Variants in GPCPD1 observed in about 807,000 individuals in gnomAD.
GPCPD1 encodes glycerophosphocholine phosphodiesterase GPCPD1.
A neutral mutation model predicts 89.2 loss-of-function variants in GPCPD1; 29 were observed. The ratio of observed to expected loss-of-function variants is 0.33; its 90% CI spans 0.24 to 0.44. GPCPD1 has a LOEUF of 0.44. Ranked by LOEUF, GPCPD1 falls within the 20% of genes least tolerant of loss-of-function variation. The pLI, the probability that GPCPD1 is intolerant of heterozygous loss-of-function variation, is 1.00. For missense variants in GPCPD1, 594 were observed against 808.9 expected, an observed-to-expected ratio of 0.73 and a Z score of 3.22; for synonymous variants, 258 against 266.3, an observed-to-expected ratio of 0.97 and a Z score of 0.30.
chr20:5,567,690 A>G (rs963024407), intron 12 of GPCPD1, 130 bp from the exon 13 acceptor site: 18 of 865,822 alleles, frequency 2.1e-5, no homozygotes, highest in Middle Eastern at 3.8e-4. Flanking sequence ...AACAATGAGA[A>G]TAACTGTTAG....
At position 5,566,728 on chromosome 20, in the gene GPCPD1, C is replaced by T. The variant is rs752192606; in HGVS notation, c.1267+5G>A. ...GGAAAACAGTGTTTCCATATTGGTA[C>T]ATACCTTTCCGATCCTTAGATTTCA... On this transcript the variant is annotated splice_donor_5th_base_variant and intron_variant, in intron 14 of 19. Transcript: ENST00000379019. 4.6e-6 allele frequency: 7 copies of T among 1,533,744 alleles called. No individual in the cohort carries two copies. In the Admixed American group the frequency reaches 1.2e-4, roughly 26 times the overall value.
At chr20:5,577,809 T>C (rs1486630667) in intron 8 of GPCPD1, among the ~76,000 whole-genome samples, 2 of 152,116 alleles carry the variant, frequency 1.3e-5, no homozygotes, top group African/African-American at 4.8e-5. Flanking sequence ...GTACCAAGTA[T>C]TATGTGTTGG....
chr20:5,594,406 C>G (rs1173043407), intron 3 of GPCPD1, among the ~76,000 whole-genome samples: 2 of 152,142 alleles, frequency 1.3e-5, no homozygotes, highest in African/African-American at 4.8e-5. Context: ...TCTCCCACCT[C>G]AGCGTCCCCA....
intron 12 of GPCPD1, among the ~76,000 whole-genome samples, chr20:5,568,230 G>GTA (rs3057280): frequency 0.25 from 36,214 of 145,368 alleles, 4,990 homozygotes; most frequent in East Asian, 0.42. Flanking sequence ...AATATACTTA[G>GTA]TATATATATA....
Position 5,575,839 on chromosome 20 carries a change from C to T in GPCPD1, c.845G>A (p.Arg282Gln), listed in dbSNP as rs1346417000. The T allele has an allele frequency of 8.7e-6, 14 of 1,609,748 alleles. No homozygotes were observed. Among genetic ancestry groups the T allele is most frequent in the Non-Finnish European group, 8.5e-6 (10 of 1,177,440 alleles). The change falls in exon 9 of 20, where the codon CGG becomes CAG. Residue 282 changes from arginine to glutamine, a missense_variant. Transcript: ENST00000379019. ...ACCTCTCACTTTGCCTATTGTTTTC[C>T]GGGAATTTCTGCTCATGATGGGAAG... ...LTLPIMSRNS[R>Q]KTIGKVRVDY...
At position 5,567,529 on chromosome 20, in the gene GPCPD1, T is replaced by C; in HGVS notation, c.1181A>G (p.Glu394Gly). 1 of 1,558,944 alleles carries C rather than the reference T, an allele frequency of 6.4e-7. No individual in the cohort carries two copies. Among genetic ancestry groups the C allele is most frequent in the Non-Finnish European group, 8.6e-7 (1 of 1,160,198 alleles). The change falls in exon 13 of 20, where the codon GAA becomes GGA. Residue 394 changes from glutamate to glycine, a missense_variant. Transcript: ENST00000379019. The stretch of plus-strand genomic sequence containing the variant: ...AAATGTTAATTCTTTTACTGGAATT[T>C]CAAATAATTCAACTGGATCAGCATC... ...KFDADPVELFEIPVKELTFDQ... is the reference protein window; with the variant it reads ...KFDADPVELFGIPVKELTFDQ...
chr20:5,596,285 G>C (rs1408739001), intron 3 of GPCPD1, among the ~76,000 whole-genome samples: 1 of 152,014 alleles, frequency 6.6e-6, no homozygotes, highest in Admixed American at 6.6e-5. Flanking sequence ...CTAGCTACTC[G>C]AGAGGCTGAG....
At position 5,547,022 on chromosome 20, in the gene GPCPD1, T is replaced by C. The variant is rs1477682799; in HGVS notation, c.*639A>G. ...CCTGCAGCATTTTGAAATTTTAACA[T>C]TGATGTAAAACAACTTTTGAAAGAT... On this transcript the variant is annotated 3_prime_UTR_variant, in exon 20 of 20. Transcript: ENST00000379019. 3.3e-5 allele frequency: 5 copies of C among 152,672 alleles called. No homozygotes were observed. The highest frequency in any genetic ancestry group is 5.9e-5 in the Non-Finnish European group (4 of 68,046). 9.5% of individuals were successfully genotyped at this position (152,672 alleles called of 1,614,324 possible). A position where few individuals can be genotyped will look rare whatever the true frequency, so the allele number is the denominator to read the frequency against.
At chr20:5,602,896 T>C (rs958543502) in intron 2 of GPCPD1, among the ~76,000 whole-genome samples, 1 of 149,796 alleles carries the variant, frequency 6.7e-6, no homozygotes, top group Non-Finnish European at 1.5e-5. Flanking sequence ...AACAGAAGAA[T>C]CGCTTGAATT....
intron 19 of GPCPD1, among the ~76,000 whole-genome samples, chr20:5,552,708 T>C (rs1345169855): frequency 6.6e-6 from 1 of 152,250 alleles, no homozygotes; most frequent in Non-Finnish European, 1.5e-5. Flanking sequence ...ACTCATGCTA[T>C]TTCATGCAAA....
chr20:5,604,039 G>A (rs556747457), intron 2 of GPCPD1, among the ~76,000 whole-genome samples: 5 of 152,216 alleles, frequency 3.3e-5, no homozygotes, highest in East Asian at 3.9e-4. Flanking sequence ...AAGCCACTGC[G>A]CCCGGCCTAC....
intron 2 of GPCPD1, among the ~76,000 whole-genome samples, chr20:5,604,119 C>T (rs1980380850): frequency 1.3e-5 from 2 of 152,138 alleles, no homozygotes; most frequent in African/African-American, 4.8e-5. Context: ...ACCATCTCTG[C>T]CCTGTGCAAA....
intron 19 of GPCPD1, among the ~76,000 whole-genome samples, 153 bp downstream of exon 19, chr20:5,557,792 T>C (rs1275747137): frequency 6.6e-6 from 1 of 152,194 alleles, no homozygotes; most frequent in Non-Finnish European, 1.5e-5. Flanking sequence ...CTGCTATCCT[T>C]CAAACTTTGA....
At chr20:5,573,320 A>C (rs1484010855) in intron 11 of GPCPD1, among the ~76,000 whole-genome samples, 1 of 152,142 alleles carries the variant, frequency 6.6e-6, no homozygotes, top group Non-Finnish European at 1.5e-5. Flanking sequence ...TCCCAACCTC[A>C]GGTGATCTGC....
chr20:5,609,987 G>C (rs1213669132), intron 1 of GPCPD1, among the ~76,000 whole-genome samples: 1 of 152,172 alleles, frequency 6.6e-6, no homozygotes, highest in Admixed American at 6.5e-5. Context: ...CGACAGAAGA[G>C]TATGAAGAAA....
intron 6 of GPCPD1, 97 bp downstream of exon 6, chr20:5,584,184 G>A (rs1978750293): frequency 1.5e-6 from 1 of 669,552 alleles, no homozygotes; most frequent in Admixed American, 2.4e-5. Flanking sequence ...GCACATGACT[G>A]TATGTTCTAT....
chr20:5,570,426 C>CCAAAAAA (rs59192426), intron 11 of GPCPD1, among the ~76,000 whole-genome samples, 187 bp from the exon 12 acceptor site: 1 of 86,048 alleles, frequency 1.2e-5, no homozygotes, highest in African/African-American at 4.4e-5. Context: ...TTTTTCCTGG[C>CCAAAAAA]AAAAAAAAAA....
At chr20:5,554,589 T>G (rs1343793847) in intron 19 of GPCPD1, among the ~76,000 whole-genome samples, 1 of 152,188 alleles carries the variant, frequency 6.6e-6, no homozygotes, top group African/African-American at 2.4e-5. Context: ...TTTAAGCCCA[T>G]AGTTGAGACG....
chr20:5,602,685 G>T (rs1289296798), intron 2 of GPCPD1, among the ~76,000 whole-genome samples: 1 of 152,162 alleles, frequency 6.6e-6, no homozygotes, highest in East Asian at 1.9e-4. Flanking sequence ...AACAAGACAA[G>T]GTCATATTTT....
Sources: gnomAD v4.1 joint callset for allele counts (sites outside exome capture counted in the v4.1 genomes callset) on GRCh38, gnomAD v4.1.1 for gene constraint, MANE v1.5 for transcripts, NCBI Gene and HGNC (gene_info 2026-07-23, HGNC 2026-07-21) for gene names.